The following UBE2S variants were observed in gnomAD, a reference collection of about 807,000 sequenced individuals.
UBE2S encodes the protein ubiquitin-conjugating enzyme E2 S.
UBE2S carries 3 observed loss-of-function variants against 12.3 expected under a neutral mutation model. The observed-to-expected ratio is 0.24, with a 90% CI of 0.11 to 0.63. The LOEUF (loss-of-function observed/expected upper bound fraction) is 0.63, where lower values mean the gene tolerates loss of function less well. Ranked by LOEUF, UBE2S falls within the 30% of genes least tolerant of loss-of-function variation. The pLI, the probability that UBE2S is intolerant of heterozygous loss-of-function variation, is 0.85. For missense variants in UBE2S, 211 were observed against 313.9 expected (o/e 0.67, Z 2.48); for synonymous variants, 133 against 142.0 (o/e 0.94, Z 0.45).
rs1600316988 is a variant in UBE2S at position 55,401,163 on chromosome 19, G to A, written c.*273C>T. 1.9e-6 allele frequency: 1 copy of A among 516,790 alleles called. No homozygotes were observed. Among genetic ancestry groups the A allele is most frequent in the Non-Finnish European group, 3.4e-6 (1 of 293,470 alleles). 32.0% of individuals were successfully genotyped at this position (516,790 alleles called of 1,614,324 possible). On this transcript the variant is annotated 3_prime_UTR_variant, in exon 4 of 4. Transcript: ENST00000264552. ...AAACAGCAAGGCTGGTGAGCTAGAT[G>A]GACCCACTGCTGCAGTCCATGAGGC...
chr19:55,400,369 C>T lies in UBE2S; in HGVS notation c.*1067G>A, dbSNP rs1179214827. On this transcript the variant is annotated 3_prime_UTR_variant, in exon 4 of 4. Coordinates refer to ENST00000264552, the MANE Select transcript of UBE2S (RefSeq NM_014501.3). ...GACATTGGTCTAAATAACCTAAACG[C>T]ATTAATAGAATGGGAAGTTTCCCCA... is the stretch of plus-strand genomic sequence containing the variant. The T allele has an allele frequency of 6.6e-6, 1 of 152,146 alleles. No homozygotes were observed. The highest frequency in any genetic ancestry group is 1.5e-5 in the Non-Finnish European group (1 of 68,028). 9.4% of individuals were successfully genotyped at this position (152,146 alleles called of 1,614,324 possible).
At position 55,401,683 on chromosome 19, in the gene UBE2S, T is replaced by G. The variant is rs775594881; in HGVS notation, c.422A>C (p.Tyr141Ser). The change falls in exon 4 of 4, where the codon TAC (tyrosine) becomes TCC (serine). Residue 141 changes from tyrosine to serine, a missense_variant. This residue lies in a region of UBE2S where 127 missense variants were observed against 224.0 expected (regional missense o/e 0.57). Coordinates refer to ENST00000264552, the MANE Select transcript of UBE2S (RefSeq NM_014501.3). ...EEAGRLLLEN[Y>S]EEYAARARLL... Reference sequence around the variant, plus strand: ...ACGGGCCCGAGCCGCATACTCCTCGTAGTTCTCCAAGAGCAGGCGGCCCGC... The same window carrying G: ...ACGGGCCCGAGCCGCATACTCCTCGGAGTTCTCCAAGAGCAGGCGGCCCGC... The G allele has an allele frequency of 1.4e-5, 23 of 1,612,806 alleles. No individual in the cohort carries two copies. The highest frequency in any genetic ancestry group is 2.7e-5 in the African/African-American group (2 of 74,922).
At chr19:55,403,003 G>GCCTA (rs1394291596) in intron 3 of UBE2S, 27 of 1,533,470 alleles carry the variant, frequency 1.8e-5, no homozygotes, top group Admixed American at 5.9e-5. Context: ...GCCTAGACCA[G>GCCTA]GACGCCTCCA....
rs2090058568 is a variant in UBE2S, at chr19:55,401,555, C to T, written c.550G>A (p.Ala184Thr). ...TCAGCCCCTCCCGGGCCCCCTGGGG[C>T]CCCAGGGTCGGTGGAGGAAGCTTCA... is the stretch of plus-strand genomic sequence containing the variant. ...GTEASSTDPGAPGGPGGAEGP... is the reference protein window; with the variant it reads ...GTEASSTDPGTPGGPGGAEGP... The change falls in exon 4 of 4, where the codon GCC (alanine) becomes ACC (threonine). Residue 184 changes from alanine (A) to threonine (T), a missense_variant. Ala to Thr is a moderately conservative substitution (Grantham distance 58). Around this residue, in one of 2 missense-constraint regions of UBE2S, gnomAD observed 84 missense variants for 89.9 expected, o/e 0.93. Transcript: ENST00000264552. The T allele has an allele frequency of 2.5e-6, 4 of 1,610,352 alleles. No homozygotes were observed. In the African/African-American group the frequency reaches 4.0e-5, roughly 16 times the overall value.
chr19:55,407,471 AC>A, intron 1 of UBE2S, 115 bp downstream of exon 1: 5 of 1,157,168 alleles, frequency 4.3e-6, no homozygotes, highest in East Asian at 3.1e-5. Context: ...CGGGTCAGGG[AC>A]CCCCAGGCTG....
rs190043948 is a variant in UBE2S, at chr19:55,404,668, G to A, written c.152-190C>T. Among the ~76,000 whole-genome samples the A allele has an allele frequency of 1.3e-4, 20 of 152,326 alleles. No homozygotes were observed. The highest frequency in any genetic ancestry group is 2.8e-4 in the Non-Finnish European group (19 of 68,034). On this transcript the variant is annotated intron_variant, in intron 2 of 3. Coordinates refer to ENST00000264552, the MANE Select transcript of UBE2S (RefSeq NM_014501.3). This position sits in a 1 kb window ranked among gnomAD's most constrained non-coding sequence, Gnocchi z 4.4. ...CTTGTGTCACCCAGGCTGGAGTGCA[G>A]TGGCACAATCTCAGTTCACTGCCGC...
chr19:55,407,101 C>T (rs1600323740), intron 1 of UBE2S, 139 bp from the exon 2 acceptor site: 5 of 1,028,848 alleles, frequency 4.9e-6, no homozygotes, highest in South Asian at 3.9e-5. Flanking sequence ...GACCCTCACC[C>T]AGGATGCTTC....
Position 55,401,765 on chromosome 19 carries a change from G to C in UBE2S, c.343-3C>G. On this transcript the variant is annotated splice_region_variant and splice_polypyrimidine_tract_variant and intron_variant, in intron 3 of 3. Coordinates refer to ENST00000264552, the MANE Select transcript of UBE2S (RefSeq NM_014501.3). ...TGGATCAGCAGGCACTTGATGGTCTGTGGGAAGAGGCTCAGGGTCACAGTG... is the reference window on the plus strand; with the variant it reads ...TGGATCAGCAGGCACTTGATGGTCTCTGGGAAGAGGCTCAGGGTCACAGTG... 1 of 1,613,090 alleles carries C rather than the reference G, an allele frequency of 6.2e-7. No individual in the cohort carries two copies. Among genetic ancestry groups the C allele is most frequent in the Non-Finnish European group, 8.5e-7 (1 of 1,180,018 alleles).
intron 3 of UBE2S, chr19:55,402,905 G>A (rs1178006825): frequency 6.6e-7 from 1 of 1,511,792 alleles, no homozygotes; most frequent in East Asian, 2.5e-5. Context: ...GTGCCCCAGG[G>A]ACTCATTAGA....
Position 55,404,559 on chromosome 19 carries a change from G to A in UBE2S, c.152-81C>T, listed in dbSNP as rs911083438. ...AACACCCCAAAGTCCAGTCTCCACG[G>A]TCTGATTGTGATGCAGGTGGGTGCC... On this transcript the variant is annotated intron_variant, in intron 2 of 3. Coordinates refer to ENST00000264552, the MANE Select transcript of UBE2S (RefSeq NM_014501.3). This position sits in a 1 kb window ranked among gnomAD's most constrained non-coding sequence, Gnocchi z 4.4. 5 of 1,318,572 alleles carry A rather than the reference G, an allele frequency of 3.8e-6. No homozygotes were observed. The African/African-American group carries it at 7.4e-5, about 20-fold the overall frequency. The allele number at this position is 1,318,572 out of a possible 1,614,324, so 81.7% of individuals were successfully genotyped here.
Position 55,401,093 on chromosome 19 carries a change from G to GT in UBE2S, c.*342dup, listed in dbSNP as rs1192381581. On this transcript the variant is annotated 3_prime_UTR_variant, in exon 4 of 4. Coordinates refer to ENST00000264552, the MANE Select transcript of UBE2S (RefSeq NM_014501.3). Reference sequence around the variant, plus strand: ...GGAAATCTGACTCCAAAGAGGGGTTGTGACCGCTCTACCTCCACAGAACAA... The same window carrying GT: ...GGAAATCTGACTCCAAAGAGGGGTTGTTGACCGCTCTACCTCCACAGAACAA... The GT allele has an allele frequency of 6.2e-6, 2 of 323,224 alleles. No individual in the cohort carries two copies. The highest frequency in any genetic ancestry group is 4.4e-5 in the African/African-American group (2 of 45,782). The allele number at this position is 323,224 out of a possible 1,614,324, so 20.0% of individuals were successfully genotyped here. A position where few individuals can be genotyped will look rare whatever the true frequency, so the allele number is the denominator to read the frequency against.
intron 3 of UBE2S, 49 bp from the exon 4 acceptor site, chr19:55,401,811 C>T: frequency 6.3e-7 from 1 of 1,599,394 alleles, no homozygotes; most frequent in Non-Finnish European, 8.5e-7. Context: ...CCTACAGGGA[C>T]CCCCAGGCCT....
In UBE2S at chr19:55,400,469, C is replaced by T. The variant is rs2090049036; in HGVS notation, c.*967G>A. On this transcript the variant is annotated 3_prime_UTR_variant, in exon 4 of 4. Transcript: ENST00000264552. ...CTAAGACTAAGCTGGGATCTTACCC[C>T]TGTGATTTAGTCATTATCACTTAAG... 2 of 150,728 alleles carry T rather than the reference C, an allele frequency of 1.3e-5. No homozygotes were observed. Among genetic ancestry groups the T allele is most frequent in the Non-Finnish European group, 2.9e-5 (2 of 68,038 alleles). 9.3% of individuals were successfully genotyped at this position (150,728 alleles called of 1,614,324 possible). A position where few individuals can be genotyped will look rare whatever the true frequency, so the allele number is the denominator to read the frequency against.
chr19:55,407,574 C>A lies in UBE2S; in HGVS notation c.3+13G>T. 1 of 1,495,294 alleles carries A rather than the reference C, an allele frequency of 6.7e-7. No individual in the cohort carries two copies. The highest frequency in any genetic ancestry group is 8.9e-7 in the Non-Finnish European group (1 of 1,127,672). 92.6% of individuals were successfully genotyped at this position (1,495,294 alleles called of 1,614,324 possible). ...CCCCGACCACCTTCATGGGCCTCAT[C>A]GCCCGTGCTCACCATGGCTGCGGCC... On this transcript the variant is annotated intron_variant, in intron 1 of 3. Transcript: ENST00000264552.
chr19:55,407,201 C>CCG (rs1479862602), intron 1 of UBE2S, among the ~76,000 whole-genome samples: 4 of 150,592 alleles, frequency 2.7e-5, no homozygotes, highest in Non-Finnish European at 4.4e-5. Flanking sequence ...CAGAACCCCC[C>CCG]CCCCAAAGCC....
intron 3 of UBE2S, chr19:55,403,000 C>T (rs1168570641): frequency 1.3e-6 from 2 of 1,533,374 alleles, no homozygotes; most frequent in Non-Finnish European, 1.7e-6. Flanking sequence ...CCAGCCTAGA[C>T]CAGGACGCCT....
rs2090082501 is a variant in UBE2S at position 55,404,280 on chromosome 19, G to C, written c.342+8C>G. The C allele has an allele frequency of 1.2e-6, 2 of 1,611,682 alleles. No individual in the cohort carries two copies. Among genetic ancestry groups the C allele is most frequent in the South Asian group, 2.2e-5 (2 of 90,988 alleles). On this transcript the variant is annotated splice_region_variant and intron_variant, in intron 3 of 3. Coordinates refer to ENST00000264552, the MANE Select transcript of UBE2S (RefSeq NM_014501.3). The surrounding 1 kb of genome is among the most constrained non-coding windows in gnomAD (Gnocchi z 4.4). Reference sequence around the variant, plus strand: ...AGGCAGGAGGCCCAGCCCCAGCCCAGAACTCACCAGCAGTACGTGTCGGAT... The same window carrying C: ...AGGCAGGAGGCCCAGCCCCAGCCCACAACTCACCAGCAGTACGTGTCGGAT...
chr19:55,403,108 G>A, intron 3 of UBE2S: 1 of 911,634 alleles, frequency 1.1e-6, no homozygotes. Flanking sequence ...CCCACTAGAT[G>A]CTAGTGGCAC....
chr19:55,407,465 T>C, intron 1 of UBE2S, 122 bp downstream of exon 1: 6 of 1,126,218 alleles, frequency 5.3e-6, no homozygotes, highest in Non-Finnish European at 7.2e-6. Context: ...CCATCCCGGG[T>C]CAGGGACCCC....
Sources: allele counts gnomAD v4.1 joint callset (sites outside exome capture counted in the v4.1 genomes callset), GRCh38; gene constraint gnomAD v4.1.1; regional missense constraint gnomAD v4.1.1; non-coding constraint Gnocchi (gnomAD v3.1); transcripts MANE v1.5; gene names NCBI Gene and HGNC (gene_info 2026-07-23, HGNC 2026-07-21).